The following PARL variants were observed in gnomAD, a reference collection of about 807,000 sequenced individuals.
PARL encodes presenilin-associated rhomboid-like protein, mitochondrial.
In PARL, 44 loss-of-function variants were observed where a neutral mutation model predicts 51.6. The observed-to-expected ratio is 0.85, with a 90% CI of 0.67 to 1.10. The LOEUF (loss-of-function observed/expected upper bound fraction) is 1.10, where lower values mean the gene tolerates loss of function less well. PARL is among the 50% of genes least tolerant of loss of function. PARL has a pLI of 0.00. For synonymous variants in PARL, 172 were observed against 164.0 expected (o/e 1.05, Z -0.37); for missense variants, 441 against 469.5 (o/e 0.94, Z 0.56).
chr3:183,871,539 G>T (rs12637478), intron 1 of PARL, among the ~76,000 whole-genome samples: 16,586 of 148,164 alleles, frequency 0.11, 1,347 homozygotes, highest in East Asian at 0.28. Flanking sequence ...AAAAGGCTTG[G>T]GGGGGAGGGG....
At chr3:183,826,502 G>A (rs1472668067), downstream of PARL, 1 of 506,934 alleles carries the variant, frequency 2.0e-6, no homozygotes, top group African/African-American at 2.1e-5. Flanking sequence ...ATTACCCAGA[G>A]CTCCATTTCA....
intron 7 of PARL, among the ~76,000 whole-genome samples, chr3:183,839,894 A>C (rs1486346022): frequency 6.6e-6 from 1 of 151,768 alleles, no homozygotes; most frequent in Admixed American, 6.6e-5. Flanking sequence ...CACCACCCCC[A>C]GTTAATTTTT....
At chr3:183,870,104 C>T (rs370569229) in intron 1 of PARL, among the ~76,000 whole-genome samples, 116 of 148,716 alleles carry the variant, frequency 7.8e-4, no homozygotes, top group African/African-American at 2.7e-3. Flanking sequence ...GGTGAAACCT[C>T]GTCTCCACTA....
intron 4 of PARL, among the ~76,000 whole-genome samples, chr3:183,851,119 C>A (rs1177448672): frequency 6.6e-6 from 1 of 152,072 alleles, no homozygotes; most frequent in African/African-American, 2.4e-5. Context: ...GAGTTTGGAC[C>A]CCTATCTCAA....
At chr3:183,882,227 AT>A (rs1734556477) in intron 1 of PARL, among the ~76,000 whole-genome samples, 4 of 48,400 alleles carry the variant, frequency 8.3e-5, no homozygotes, top group East Asian at 7.2e-4. Flanking sequence ...AAAAAAATAT[AT>A]ATATATATAT....
At chr3:183,874,115 C>G (rs892993282) in intron 1 of PARL, among the ~76,000 whole-genome samples, 8 of 152,172 alleles carry the variant, frequency 5.3e-5, no homozygotes, top group Non-Finnish European at 1.0e-4. Context: ...GTAATTCTCA[C>G]AACACTTCAA....
chr3:183,843,148 T>C (rs577094132), intron 5 of PARL: 9 of 943,038 alleles, frequency 9.5e-6, no homozygotes, highest in Non-Finnish European at 1.1e-5. Context: ...CCTCCCCAAG[T>C]GCTGGGATTA....
intron 4 of PARL, among the ~76,000 whole-genome samples, chr3:183,852,425 A>T (rs1730651920): frequency 6.6e-6 from 1 of 152,254 alleles, no homozygotes; most frequent in Non-Finnish European, 1.5e-5. Flanking sequence ...GGTTCCACTT[A>T]TATGAAGGAT....
chr3:183,882,530 T>C (rs1031587109), intron 1 of PARL, among the ~76,000 whole-genome samples: 1 of 152,180 alleles, frequency 6.6e-6, no homozygotes, highest in East Asian at 1.9e-4. Flanking sequence ...AACTATTTTC[T>C]TCCCTTGGAT....
intron 1 of PARL, among the ~76,000 whole-genome samples, chr3:183,876,610 TAAAAAAAAAAAAAAAAAA>T (rs576376716): frequency 5.4e-5 from 5 of 91,814 alleles, no homozygotes; most frequent in Non-Finnish European, 8.0e-5. Flanking sequence ...ATACATTTTG[TAAAAAAAAAAAAAAAAAA>T]AAAAAAAAAA....
At chr3:183,841,736 T>C (rs553500075) in intron 6 of PARL, among the ~76,000 whole-genome samples, 13 of 152,290 alleles carry the variant, frequency 8.5e-5, no homozygotes, top group Non-Finnish European at 1.6e-4. Context: ...ATTTCCTAAC[T>C]GAAATAAGAA....
chr3:183,880,441 GC>G (rs1734314441), intron 1 of PARL, among the ~76,000 whole-genome samples: 1 of 151,780 alleles, frequency 6.6e-6, no homozygotes, highest in South Asian at 2.1e-4. Flanking sequence ...TGCTCCTGCT[GC>G]CCAGGTTGGA....
chr3:183,835,368 C>T (rs1051394973), intron 7 of PARL, among the ~76,000 whole-genome samples: 2 of 152,138 alleles, frequency 1.3e-5, no homozygotes, highest in South Asian at 2.1e-4. Flanking sequence ...ATTACTAAAA[C>T]TTTAAAGAAA....
intron 3 of PARL, among the ~76,000 whole-genome samples, chr3:183,864,820 A>T (rs1218468509): frequency 6.6e-6 from 1 of 151,856 alleles, no homozygotes; most frequent in Non-Finnish European, 1.5e-5. Context: ...ATCTAAAAGC[A>T]AACATTTTTA....
intron 1 of PARL, among the ~76,000 whole-genome samples, chr3:183,878,100 A>G (rs1734052252): frequency 6.6e-6 from 1 of 151,978 alleles, no homozygotes; most frequent in South Asian, 2.1e-4. Context: ...CCCAGCCAGT[A>G]CTCTTGACTG....
intron 4 of PARL, among the ~76,000 whole-genome samples, chr3:183,858,466 G>A (rs1241896808): frequency 6.6e-6 from 1 of 152,164 alleles, no homozygotes; most frequent in Non-Finnish European, 1.5e-5. Flanking sequence ...ACTAGTAGAG[G>A]AACTACGGCA....
intron 1 of PARL, among the ~76,000 whole-genome samples, chr3:183,874,043 T>C (rs1577383860): frequency 6.6e-6 from 1 of 152,220 alleles, no homozygotes; most frequent in East Asian, 1.9e-4. Flanking sequence ...ACATCTAGCA[T>C]GTCTTTTGGC....
intron 1 of PARL, among the ~76,000 whole-genome samples, chr3:183,882,223 A>ATATATATATATATATATATT (rs1734546986): frequency 2.8e-5 from 1 of 35,378 alleles, no homozygotes; most frequent in Non-Finnish European, 5.1e-5. Context: ...AAAAAAAAAA[A>ATATATATATATATATATATT]TATATATATA....
chr3:183,850,096 T>C (rs190771343), intron 4 of PARL, among the ~76,000 whole-genome samples: 27 of 152,330 alleles, frequency 1.8e-4, no homozygotes, highest in African/African-American at 3.6e-4. Flanking sequence ...TAGGTGCCTA[T>C]GTTTCTCATT....
Sources: allele counts gnomAD v4.1 joint callset (sites outside exome capture counted in the v4.1 genomes callset), GRCh38; gene constraint gnomAD v4.1.1; transcripts MANE v1.5; gene names NCBI Gene and HGNC (gene_info 2026-07-23, HGNC 2026-07-21).